The following TIAM2 variants were observed in gnomAD, a reference collection of about 807,000 sequenced individuals.
TIAM2 encodes the protein rho guanine nucleotide exchange factor TIAM2.
A neutral mutation model predicts 152.9 loss-of-function variants in TIAM2; 80 were observed. The ratio of observed to expected loss-of-function variants is 0.52; its 90% confidence interval spans 0.44 to 0.63. The LOEUF (loss-of-function observed/expected upper bound fraction) is 0.63, where lower values mean the gene tolerates loss of function less well. Among genes scored for constraint, TIAM2 ranks in the 30% least tolerant of loss-of-function variants. The pLI is 0.00. For missense variants in TIAM2, 1,965 were observed against 2,120.1 expected, an observed-to-expected ratio of 0.93 and a Z score of 1.44; for synonymous variants, 804 against 838.0, an observed-to-expected ratio of 0.96 and a Z score of 0.70.
intron 14 of TIAM2, among the ~76,000 whole-genome samples, chr6:155,190,230 A>T (rs1045565301): frequency 3.3e-5 from 5 of 152,110 alleles, no homozygotes; most frequent in Admixed American, 6.5e-5. Flanking sequence ...CCTGCCTGTC[A>T]CCTCTCTGAT....
intron 5 of TIAM2, among the ~76,000 whole-genome samples, chr6:155,144,026 C>T (rs564292604): frequency 9.9e-5 from 15 of 152,266 alleles, no homozygotes; most frequent in South Asian, 4.1e-4. Flanking sequence ...TGGATGATTA[C>T]GTGATTGACA....
chr6:155,148,472 T>C (rs556120075), intron 7 of TIAM2, 138 bp downstream of exon 7: 3 of 898,846 alleles, frequency 3.3e-6, no homozygotes, highest in African/African-American at 1.7e-5. Flanking sequence ...AAATAATTTC[T>C]GTGGTTTTTC....
chr6:155,149,606 T>G (rs1196787766), intron 7 of TIAM2, among the ~76,000 whole-genome samples: 1 of 152,194 alleles, frequency 6.6e-6, no homozygotes, highest in Non-Finnish European at 1.5e-5. Context: ...TTTGGAAGTT[T>G]TTTCATCTGT....
chr6:155,027,905 A>AAT (rs1554225181), intron 1 of TIAM2, among the ~76,000 whole-genome samples: 1 of 88,152 alleles, frequency 1.1e-5, no homozygotes, highest in East Asian at 2.7e-4. Flanking sequence ...TATACTATAT[A>AAT]ATATGTACTG....
rs573375139 is a variant in TIAM2, at chr6:155,213,127, C to A, written c.3168+1820C>A. On this transcript the variant is annotated intron_variant, in intron 15 of 26. Coordinates refer to ENST00000682666, the MANE Select transcript of TIAM2 (RefSeq NM_012454.4). The surrounding 1 kb of genome is among the most constrained non-coding windows in gnomAD (Gnocchi z 4.2). Reference sequence around the variant, plus strand: ...CACCTGTAATGTGGCGAGCAAGGGGCGTGTTTTGGCCCTGTTTGTGTTGTA... The same window carrying A: ...CACCTGTAATGTGGCGAGCAAGGGGAGTGTTTTGGCCCTGTTTGTGTTGTA... 6.6e-6 allele frequency among the ~76,000 whole-genome samples: 1 copy of A among 152,240 alleles called. No homozygotes were observed. The highest frequency in any genetic ancestry group is 2.1e-4 in the South Asian group (1 of 4,824).
rs553806657 is a variant in TIAM2 at position 155,006,438 on chromosome 6, G to A, written c.-209+10946G>A. Among the ~76,000 whole-genome samples, 83 of 151,912 alleles carry A rather than the reference G, an allele frequency of 5.5e-4. 2 individuals carry two copies. The South Asian group carries it at 9.8e-3, about 18-fold the overall frequency. On this transcript the variant is annotated intron_variant, in intron 1 of 26. Transcript: ENST00000682666. Reference sequence around the variant, plus strand: ...AATCCTAGCACTTTGGGAGGCTGAGGTGGGTGGATCACAAGGTCAGGAGTT... The same window carrying A: ...AATCCTAGCACTTTGGGAGGCTGAGATGGGTGGATCACAAGGTCAGGAGTT...
intron 14 of TIAM2, among the ~76,000 whole-genome samples, chr6:155,203,063 AAAAAAAAG>A (rs1175006310): frequency 6.6e-6 from 1 of 151,024 alleles, no homozygotes; most frequent in Non-Finnish European, 1.5e-5. Flanking sequence ...AAAAAAAAAA[AAAAAAAAG>A]AGAAAGATTT....
chr6:155,221,714 C>T (rs373014733), intron 15 of TIAM2, among the ~76,000 whole-genome samples: 10 of 152,238 alleles, frequency 6.6e-5, no homozygotes, highest in East Asian at 3.9e-4. Context: ...TGGGGTTGAA[C>T]GGCAAGTGTC....
At chr6:155,135,402 A>G (rs1172286642) in intron 4 of TIAM2, among the ~76,000 whole-genome samples, 3 of 152,224 alleles carry the variant, frequency 2.0e-5, no homozygotes, top group African/African-American at 7.2e-5. Context: ...TTTAATGCAT[A>G]AGAAAATATA....
chr6:155,049,619 GTCTGTTC>G (rs1777277352), intron 1 of TIAM2, among the ~76,000 whole-genome samples: 2 of 152,068 alleles, frequency 1.3e-5, no homozygotes, highest in Non-Finnish European at 2.9e-5. Flanking sequence ...CATTTTACCA[GTCTGTTC>G]TAACCCCATG....
intron 14 of TIAM2, among the ~76,000 whole-genome samples, chr6:155,207,320 G>A (rs1302463048): frequency 6.6e-6 from 1 of 152,176 alleles, no homozygotes; most frequent in East Asian, 1.9e-4. Flanking sequence ...TCCTTTTACG[G>A]GGATACAGGT....
In TIAM2 at chr6:155,119,669, G is replaced by A. The variant is rs546144520; in HGVS notation, c.-117-7821G>A. 3.9e-5 allele frequency among the ~76,000 whole-genome samples: 6 copies of A among 152,314 alleles called. 2 individuals carry two copies. The highest frequency in any genetic ancestry group is 1.4e-4 in the African/African-American group (6 of 41,580). The stretch of plus-strand genomic sequence containing the variant: ...TGACTTTTCGAATGTTTTGGGACTC[G>A]TCGGAGCTTGGCTCTCCTTGGATTT... On this transcript the variant is annotated intron_variant, in intron 2 of 26. Transcript: ENST00000682666.
chr6:155,114,348 C>T (rs1373948200), intron 2 of TIAM2, among the ~76,000 whole-genome samples: 3 of 151,918 alleles, frequency 2.0e-5, no homozygotes, highest in African/African-American at 7.3e-5. Flanking sequence ...AGCCACCGTG[C>T]CCTGCCATGA....
At chr6:155,049,875 C>T (rs1031768433) in intron 1 of TIAM2, among the ~76,000 whole-genome samples, 5 of 151,958 alleles carry the variant, frequency 3.3e-5, no homozygotes, top group African/African-American at 1.2e-4. Context: ...AGAGAAATAG[C>T]ACCATGATGA....
At chr6:155,081,157 A>G (rs980215845) in intron 1 of TIAM2, among the ~76,000 whole-genome samples, 3 of 152,182 alleles carry the variant, frequency 2.0e-5, no homozygotes, top group Non-Finnish European at 2.9e-5. Context: ...CCTTGGTGTC[A>G]TTTGTGGCAG....
At chr6:155,052,444 T>A (rs1777338868) in intron 1 of TIAM2, among the ~76,000 whole-genome samples, 1 of 152,082 alleles carries the variant, frequency 6.6e-6, no homozygotes, top group African/African-American at 2.4e-5. Flanking sequence ...TTATGCTTAA[T>A]AAACTCTGAA....
intron 16 of TIAM2, 49 bp from the exon 17 acceptor site, chr6:155,243,962 T>G (rs1583280988): frequency 6.5e-7 from 1 of 1,536,958 alleles, no homozygotes; most frequent in Non-Finnish European, 9.0e-7. Flanking sequence ...ATCTCATGGG[T>G]ATTTTGGAGA....
intron 1 of TIAM2, among the ~76,000 whole-genome samples, chr6:155,018,275 A>G (rs531746367): frequency 3.9e-4 from 57 of 147,554 alleles, no homozygotes; most frequent in African/African-American, 1.4e-3. Flanking sequence ...GCAGATAGAT[A>G]TATATATGTA....
chr6:155,239,377 C>T (rs539149301), intron 15 of TIAM2, among the ~76,000 whole-genome samples: 6 of 152,144 alleles, frequency 3.9e-5, no homozygotes, highest in Non-Finnish European at 4.4e-5. Flanking sequence ...TGGCTGCTGG[C>T]GGAGATGTGA....
Sources: gnomAD v4.1 joint callset for allele counts (sites outside exome capture counted in the v4.1 genomes callset) on GRCh38, gnomAD v4.1.1 for gene constraint, Gnocchi (gnomAD v3.1) non-coding constraint, MANE v1.5 for transcripts, NCBI Gene and HGNC (gene_info 2026-07-23, HGNC 2026-07-21) for gene names.